TEX14: variants seen among roughly 807,000 people sequenced by gnomAD.
TEX14 encodes inactive serine/threonine-protein kinase TEX14.
A neutral mutation model predicts 178.6 loss-of-function variants in TEX14; 168 were observed. The observed-to-expected ratio is 0.94, with a 90% CI of 0.83 to 1.07. TEX14 has a LOEUF of 1.07. TEX14 is among the 50% of genes least tolerant of loss of function. The pLI, the probability that TEX14 is intolerant of heterozygous loss-of-function variation, is 0.00. For missense variants in TEX14, 1,730 were observed against 1,753.6 expected (o/e 0.99, Z 0.24); for synonymous variants, 626 against 634.1 (o/e 0.99, Z 0.19).
intron 1 of TEX14, among the ~76,000 whole-genome samples, chr17:58,682,170 A>G (rs1298067739): frequency 6.6e-6 from 1 of 151,950 alleles, no homozygotes; most frequent in Non-Finnish European, 1.5e-5. Flanking sequence ...GCTGGGCTCA[A>G]ACTCCTGGGC....
chr17:58,574,675 CAAAAA>C (rs1177255314), intron 21 of TEX14, among the ~76,000 whole-genome samples: 3 of 43,886 alleles, frequency 6.8e-5, no homozygotes, highest in Non-Finnish European at 1.2e-4. Context: ...ACTCCATCTC[CAAAAA>C]AAAAAAAAAA....
At chr17:58,620,166 A>T (rs1280081461) in intron 5 of TEX14, among the ~76,000 whole-genome samples, 1 of 152,132 alleles carries the variant, frequency 6.6e-6, no homozygotes, top group African/African-American at 2.4e-5. Context: ...GTCTCCATAC[A>T]AGCGCCAGGG....
At chr17:58,674,585 G>A (rs950461200) in intron 1 of TEX14, among the ~76,000 whole-genome samples, 2 of 151,526 alleles carry the variant, frequency 1.3e-5, no homozygotes, top group Admixed American at 1.3e-4. Flanking sequence ...CACAAGAATC[G>A]CTTGAACCTG....
At chr17:58,617,703 G>A in intron 5 of TEX14, 84 bp from the exon 6 acceptor site, 1 of 954,322 alleles carries the variant, frequency 1.0e-6, no homozygotes, top group Admixed American at 2.2e-5. Flanking sequence ...TTTTCAGAAG[G>A]TGTAGTTGAC....
rs959872349 is a variant in TEX14 at position 58,674,265 on chromosome 17, G to C, written c.-2+17674C>G. Among the ~76,000 whole-genome samples the C allele has an allele frequency of 4.0e-5, 6 of 149,188 alleles. No homozygotes were observed. In the Admixed American group the frequency reaches 4.0e-4, roughly 10 times the overall value. On this transcript the variant is annotated intron_variant, in intron 1 of 31. Transcript: ENST00000349033. ...CACTCCAGCCTGGGCGACAGAGCAAGACTCTGTCTCAAAAAAAAAAAAGGA... is the reference window on the plus strand; with the variant it reads ...CACTCCAGCCTGGGCGACAGAGCAACACTCTGTCTCAAAAAAAAAAAAGGA...
At chr17:58,629,644 G>C (rs1041179778) in intron 3 of TEX14, among the ~76,000 whole-genome samples, 7 of 151,522 alleles carry the variant, frequency 4.6e-5, no homozygotes, top group African/African-American at 1.7e-4. Flanking sequence ...GACCAACCTG[G>C]CTAGCATCAT....
intron 2 of TEX14, among the ~76,000 whole-genome samples, chr17:58,632,069 A>C (rs965843166): frequency 5.3e-5 from 8 of 152,222 alleles, no homozygotes; most frequent in African/African-American, 1.2e-4. Flanking sequence ...AATCACTCAG[A>C]GCTCCTTTCT....
intron 1 of TEX14, among the ~76,000 whole-genome samples, chr17:58,682,201 C>T (rs1240968027): frequency 2.0e-5 from 3 of 151,770 alleles, no homozygotes; most frequent in Non-Finnish European, 2.9e-5. Context: ...GACCCGTCTC[C>T]GCCTCCCAGA....
rs2044494342 is a variant in TEX14 at position 58,570,409 on chromosome 17, T to C, written c.3793A>G (p.Thr1265Ala). 1 of 1,517,798 alleles carries C rather than the reference T, an allele frequency of 6.6e-7. No homozygotes were observed. Among genetic ancestry groups the C allele is most frequent in the Admixed American group, 2.7e-5 (1 of 37,382 alleles). 94.0% of individuals were successfully genotyped at this position (1,517,798 alleles called of 1,614,324 possible). ...KACDSSPPHA[T>A]QRRSLPKVEA... ...CCTTTAGGCAGGCTCCTTCTCTGGG[T>C]GGCATGGGGTGGTGATGAGTCACAT... Residue 1265 changes from threonine (T) to alanine (A), a missense_variant, in exon 25 of 32, where the codon ACC (threonine) becomes GCC (alanine). Thr to Ala is a moderately conservative substitution (Grantham distance 58). This residue lies in a region of TEX14 where 941 missense variants were observed against 1,072.4 expected (regional missense o/e 0.88). Transcript: ENST00000349033.
intron 13 of TEX14, among the ~76,000 whole-genome samples, chr17:58,600,162 C>A (rs538026174): frequency 6.6e-6 from 1 of 152,262 alleles, no homozygotes; most frequent in East Asian, 1.9e-4. Context: ...ACGTTCATAG[C>A]CTTCTTTTCA....
intron 2 of TEX14, among the ~76,000 whole-genome samples, chr17:58,632,855 G>C (rs1035302754): frequency 2.3e-4 from 35 of 152,220 alleles, no homozygotes; most frequent in African/African-American, 7.9e-4. Flanking sequence ...CATAGTACTC[G>C]ACCAATGAGG....
intron 19 of TEX14, among the ~76,000 whole-genome samples, chr17:58,582,352 C>A (rs1300742977): frequency 6.6e-6 from 1 of 152,070 alleles, no homozygotes; most frequent in Non-Finnish European, 1.5e-5. Context: ...CTCCACCTCC[C>A]AGGTTCAAGT....
At chr17:58,631,846 T>G (rs78090760) in intron 2 of TEX14, 11 of 152,196 alleles carry the variant, frequency 7.2e-5, no homozygotes, top group East Asian at 1.9e-4. Context: ...TAATGTCCAT[T>G]TATGTGCCTT....
chr17:58,656,261 C>T (rs911964099), intron 1 of TEX14, among the ~76,000 whole-genome samples: 3 of 151,822 alleles, frequency 2.0e-5, no homozygotes, highest in South Asian at 2.1e-4. Context: ...TTGACTGATA[C>T]GGTGAAACCC....
intron 1 of TEX14, among the ~76,000 whole-genome samples, chr17:58,670,436 C>A (rs9904636): frequency 4.6e-4 from 69 of 149,838 alleles, no homozygotes; most frequent in African/African-American, 1.6e-3. Flanking sequence ...AAAAAAAAAA[C>A]AACAAACAGC....
intron 2 of TEX14, among the ~76,000 whole-genome samples, chr17:58,635,428 C>CTTT (rs548762963): frequency 1.5e-5 from 2 of 129,566 alleles, no homozygotes; most frequent in Non-Finnish European, 1.6e-5. Flanking sequence ...GGGCTTCTCT[C>CTTT]TTTTTTTTTT....
chr17:58,666,046 C>CAAA (rs71395178), intron 1 of TEX14, among the ~76,000 whole-genome samples: 22 of 99,078 alleles, frequency 2.2e-4, no homozygotes, highest in African/African-American at 7.4e-4. Context: ...GACTCTGTCT[C>CAAA]AAAAAAAAAA....
chr17:58,568,779 A>G (rs1324619769), intron 26 of TEX14, among the ~76,000 whole-genome samples: 1 of 152,112 alleles, frequency 6.6e-6, no homozygotes, highest in Non-Finnish European at 1.5e-5. Flanking sequence ...TACCTTTAAT[A>G]CCTACAGCTA....
chr17:58,680,860 A>T, intron 1 of TEX14, among the ~76,000 whole-genome samples: 1 of 152,222 alleles, frequency 6.6e-6, no homozygotes, highest in South Asian at 2.1e-4. Context: ...TTTATTTTAC[A>T]GAAGGACTCT....
Sources: allele counts gnomAD v4.1 joint callset (sites outside exome capture counted in the v4.1 genomes callset), GRCh38; gene constraint gnomAD v4.1.1; regional missense constraint gnomAD v4.1.1; transcripts MANE v1.5; gene names NCBI Gene and HGNC (gene_info 2026-07-23, HGNC 2026-07-21).